The following GNA12 variants were observed in gnomAD, a reference collection of about 807,000 sequenced individuals.
The protein encoded by GNA12 is guanine nucleotide-binding protein subunit alpha-12.
GNA12 carries 9 observed loss-of-function variants against 26.0 expected under a neutral mutation model. The ratio of observed to expected loss-of-function variants is 0.35; its 90% CI spans 0.21 to 0.60. The LOEUF (loss-of-function observed/expected upper bound fraction) is 0.60. Among genes scored for constraint, GNA12 ranks in the 20% least tolerant of loss-of-function variants. GNA12 has a pLI of 0.78. For synonymous variants in GNA12, 264 were observed against 219.6 expected (o/e 1.20, Z -1.79); for missense variants, 405 against 525.8 (o/e 0.77, Z 2.25).
At position 2,812,368 on chromosome 7, in the gene GNA12, G is replaced by A. The variant is rs538718064; in HGVS notation, c.310-17225C>T. On this transcript the variant is annotated intron_variant, in intron 1 of 3. Transcript: ENST00000275364. ...TTGTAGGCTGGGTGCGGTGGCTCACGCCTGTAATCCCAGCACCTTTGGAGG... is the reference window on the plus strand; with the variant it reads ...TTGTAGGCTGGGTGCGGTGGCTCACACCTGTAATCCCAGCACCTTTGGAGG... Among the ~76,000 whole-genome samples, 15 of 152,290 alleles carry A rather than the reference G, an allele frequency of 9.8e-5. No individual in the cohort carries two copies. In the South Asian group the frequency reaches 2.7e-3, roughly 27 times the overall value.
chr7:2,778,105 A>G (rs1792124947), intron 2 of GNA12, among the ~76,000 whole-genome samples: 1 of 152,236 alleles, frequency 6.6e-6, no homozygotes, highest in Non-Finnish European at 1.5e-5. Flanking sequence ...TCTTTTCCAA[A>G]GACTCGCTGG....
At chr7:2,773,966 A>G (rs1163094851) in intron 2 of GNA12, among the ~76,000 whole-genome samples, 2 of 152,222 alleles carry the variant, frequency 1.3e-5, no homozygotes, top group Non-Finnish European at 2.9e-5. Flanking sequence ...AATTGGAAGA[A>G]CCGCACAAAA....
At chr7:2,778,379 G>T (rs1792132118) in intron 2 of GNA12, among the ~76,000 whole-genome samples, 1 of 152,184 alleles carries the variant, frequency 6.6e-6, no homozygotes, top group Non-Finnish European at 1.5e-5. Flanking sequence ...GATTGCATCA[G>T]CCCATCTGTG....
At chr7:2,800,448 T>G (rs757944394) in intron 1 of GNA12, among the ~76,000 whole-genome samples, 34 of 152,184 alleles carry the variant, frequency 2.2e-4, no homozygotes, top group Non-Finnish European at 3.8e-4. Context: ...CCACACACAG[T>G]GTCCCAAAGC....
chr7:2,742,646 C>G (rs1790567526), intron 2 of GNA12, among the ~76,000 whole-genome samples: 1 of 152,184 alleles, frequency 6.6e-6, no homozygotes. Flanking sequence ...TCAATGTCTA[C>G]CCTCCCTGTC....
At chr7:2,782,053 G>T (rs905743826) in intron 2 of GNA12, among the ~76,000 whole-genome samples, 16 of 152,208 alleles carry the variant, frequency 1.1e-4, no homozygotes, top group Non-Finnish European at 2.2e-4. Flanking sequence ...ATTAAATGGG[G>T]AAAGAGGAGA....
intron 1 of GNA12, among the ~76,000 whole-genome samples, chr7:2,824,855 C>T (rs1371920593): frequency 6.6e-6 from 1 of 152,176 alleles, no homozygotes; most frequent in Admixed American, 6.5e-5. Flanking sequence ...AGCTCACAGA[C>T]CTCCCAGGCC....
chr7:2,759,562 G>A (rs894820898), intron 2 of GNA12, among the ~76,000 whole-genome samples: 2 of 152,262 alleles, frequency 1.3e-5, no homozygotes, highest in Admixed American at 6.5e-5. Context: ...GAATAGTGGT[G>A]ACGCTGGGGT....
chr7:2,829,553 C>G (rs1474229310), intron 1 of GNA12, among the ~76,000 whole-genome samples: 4 of 152,198 alleles, frequency 2.6e-5, no homozygotes, highest in African/African-American at 7.2e-5. Flanking sequence ...CCCTGTGCAT[C>G]TCATGTTAAT....
intron 2 of GNA12, among the ~76,000 whole-genome samples, chr7:2,747,207 G>C (rs1315223223): frequency 2.0e-5 from 3 of 152,124 alleles, no homozygotes; most frequent in South Asian, 2.1e-4. Flanking sequence ...GCCTGGCAGA[G>C]ACACAACCAA....
intron 1 of GNA12, chr7:2,814,534 A>G: frequency 1.5e-6 from 1 of 668,530 alleles, no homozygotes. Flanking sequence ...TTCTGCACCC[A>G]TGAAGTCTTT....
At chr7:2,807,947 G>A (rs1385596553) in intron 1 of GNA12, among the ~76,000 whole-genome samples, 1 of 152,172 alleles carries the variant, frequency 6.6e-6, no homozygotes, top group Admixed American at 6.5e-5. Context: ...GCCCCGTGGA[G>A]GAGCTACGAT....
chr7:2,789,064 T>C (rs1037590225), intron 2 of GNA12, among the ~76,000 whole-genome samples: 2 of 150,424 alleles, frequency 1.3e-5, no homozygotes, highest in African/African-American at 4.8e-5. Context: ...GTGATCCACC[T>C]GCCTTGGCCT....
At chr7:2,804,128 A>G (rs2533883) in intron 1 of GNA12, among the ~76,000 whole-genome samples, 2 of 151,974 alleles carry the variant, frequency 1.3e-5, no homozygotes, top group Admixed American at 6.5e-5. Context: ...TGAGAACACA[A>G]ACACACAAAA....
At chr7:2,749,478 G>C (rs1020984393) in intron 2 of GNA12, among the ~76,000 whole-genome samples, 2 of 150,180 alleles carry the variant, frequency 1.3e-5, no homozygotes, top group East Asian at 3.9e-4. Context: ...ACATGGACAC[G>C]GGAAGGGGAA....
chr7:2,789,726 C>T (rs891488742), intron 2 of GNA12, among the ~76,000 whole-genome samples: 20 of 152,174 alleles, frequency 1.3e-4, no homozygotes, highest in African/African-American at 3.1e-4. Context: ...AAACCAACCA[C>T]GCACAGCATC....
chr7:2,742,253 T>G (rs953270769), intron 2 of GNA12, among the ~76,000 whole-genome samples: 2 of 152,022 alleles, frequency 1.3e-5, no homozygotes, highest in Non-Finnish European at 1.5e-5. Flanking sequence ...TGAACTTAAG[T>G]GATCTGCCCG....
chr7:2,789,060 C>T (rs1792440067), intron 2 of GNA12, among the ~76,000 whole-genome samples: 1 of 151,426 alleles, frequency 6.6e-6, no homozygotes, highest in Non-Finnish European at 1.5e-5. Context: ...TCAAGTGATC[C>T]ACCTGCCTTG....
chr7:2,814,766 C>T, intron 1 of GNA12: 1 of 990,454 alleles, frequency 1.0e-6, no homozygotes, highest in South Asian at 1.5e-5. Context: ...GCCTGTCCAA[C>T]ACACATCCTA....
Sources: gnomAD v4.1 joint callset for allele counts (sites outside exome capture counted in the v4.1 genomes callset) on GRCh38, gnomAD v4.1.1 for gene constraint, MANE v1.5 for transcripts, NCBI Gene and HGNC (gene_info 2026-07-23, HGNC 2026-07-21) for gene names.